Variants in TFDP2 observed in about 807,000 individuals in gnomAD.
TFDP2 encodes transcription factor Dp-2 (E2F dimerization partner 2).
TFDP2 carries 17 observed loss-of-function variants against 59.3 expected under a neutral mutation model. That is an observed-to-expected ratio of 0.29 (90% CI 0.20 to 0.43). TFDP2 has a LOEUF of 0.43. Among genes scored for constraint, TFDP2 ranks in the 20% least tolerant of loss-of-function variants. The pLI is 1.00. For synonymous variants in TFDP2, 180 were observed against 194.7 expected, an observed-to-expected ratio of 0.92 and a Z score of 0.63; for missense variants, 391 against 528.8, an observed-to-expected ratio of 0.74 and a Z score of 2.56.
At chr3:142,095,250 A>G (rs1427886012) in intron 2 of TFDP2, among the ~76,000 whole-genome samples, 1 of 151,902 alleles carries the variant, frequency 6.6e-6, no homozygotes, top group Non-Finnish European at 1.5e-5. Context: ...TTGGCCTCCC[A>G]AAGTACTGGG....
chr3:141,966,881 C>T (rs1938156019), intron 9 of TFDP2, among the ~76,000 whole-genome samples: 1 of 131,130 alleles, frequency 7.6e-6, no homozygotes, highest in Non-Finnish European at 1.6e-5. Flanking sequence ...AAAAAAAAAT[C>T]AAGTGAGCTT....
In TFDP2 at chr3:141,949,524, C is replaced by T. The variant is rs985186584; in HGVS notation, c.*2989G>A. ...AGGCAGCCTAGTAGGCACCTGGGGCCCGTAAGCGCTGCTGTGTGCCTAGGC... is the reference window on the plus strand; with the variant it reads ...AGGCAGCCTAGTAGGCACCTGGGGCTCGTAAGCGCTGCTGTGTGCCTAGGC... On this transcript the variant is annotated 3_prime_UTR_variant, in exon 13 of 13. Coordinates refer to ENST00000489671, the MANE Select transcript of TFDP2 (RefSeq NM_001178139.2). The T allele has an allele frequency of 1.5e-4, 23 of 152,426 alleles. No individual in the cohort carries two copies. Among genetic ancestry groups the T allele is most frequent in the African/African-American group, 5.5e-4 (23 of 41,456 alleles). 9.4% of individuals were successfully genotyped at this position (152,426 alleles called of 1,614,324 possible).
rs1309268850 is a variant in TFDP2, at chr3:141,968,732, CAT to C, written c.732+1339_732+1340del. Reference sequence around the variant, plus strand: ...ATCTCATATATAGATATATATAACACATATATATCTCATATATAGATATATAT... The same window carrying C: ...ATCTCATATATAGATATATATAACACATATATCTCATATATAGATATATAT... On this transcript the variant is annotated intron_variant, in intron 9 of 12. Transcript: ENST00000489671. Among the ~76,000 whole-genome samples, 65 of 96,826 alleles carry C rather than the reference CAT, an allele frequency of 6.7e-4. 8 individuals carry two copies. The highest frequency in any genetic ancestry group is 2.9e-3 in the African/African-American group (61 of 21,148). 63.5% of individuals were successfully genotyped at this position (96,826 alleles called of 152,430 possible).
intron 10 of TFDP2, among the ~76,000 whole-genome samples, 177 bp downstream of exon 10, chr3:141,963,635 G>A (rs1937573400): frequency 6.6e-6 from 1 of 152,132 alleles, no homozygotes; most frequent in Admixed American, 6.6e-5. Flanking sequence ...GAGGGTGAGG[G>A]TTGGAGCGCA....
chr3:141,988,811 C>T (rs926488740), intron 6 of TFDP2, among the ~76,000 whole-genome samples: 7 of 151,458 alleles, frequency 4.6e-5, no homozygotes, highest in Admixed American at 4.0e-4. Flanking sequence ...TACAGGCACG[C>T]GCCACCATGC....
intron 5 of TFDP2, 27 bp downstream of exon 5, chr3:141,994,993 A>G: frequency 6.6e-7 from 1 of 1,521,796 alleles, no homozygotes; most frequent in South Asian, 1.4e-5. Flanking sequence ...TTAAGGTTTT[A>G]AAAATAGTAA....
chr3:141,993,460 A>T, intron 6 of TFDP2, 78 bp downstream of exon 6: 2 of 858,108 alleles, frequency 2.3e-6, no homozygotes, highest in Non-Finnish European at 3.6e-6. Flanking sequence ...ACATCGCATT[A>T]AACCAGAGCA....
At chr3:142,077,564 A>T (rs891108728) in intron 3 of TFDP2, among the ~76,000 whole-genome samples, 4 of 152,242 alleles carry the variant, frequency 2.6e-5, no homozygotes, top group Admixed American at 2.6e-4. Flanking sequence ...ACACTTCTAG[A>T]CACACCATGG....
chr3:141,944,563 G>A lies in TFDP2; in HGVS notation c.*7950C>T, dbSNP rs911207790. 1.3e-5 allele frequency: 2 copies of A among 152,052 alleles called. No homozygotes were observed. Among genetic ancestry groups the A allele is most frequent in the African/African-American group, 4.8e-5 (2 of 41,390 alleles). 9.4% of individuals were successfully genotyped at this position (152,052 alleles called of 1,614,324 possible). On this transcript the variant is annotated 3_prime_UTR_variant, in exon 13 of 13. Transcript: ENST00000489671. ...CCTTTAATCTTATAGGATGGACAAAGATACACTTTAATGGACAAAAAACAC... is the reference window on the plus strand; with the variant it reads ...CCTTTAATCTTATAGGATGGACAAAAATACACTTTAATGGACAAAAAACAC...
intron 1 of TFDP2, among the ~76,000 whole-genome samples, chr3:142,111,581 CAAAG>C (rs2061665744): frequency 6.6e-6 from 1 of 151,644 alleles, no homozygotes. Flanking sequence ...AAACCACTGG[CAAAG>C]AGAGAGGGAT....
intron 3 of TFDP2, among the ~76,000 whole-genome samples, chr3:142,087,636 G>A (rs1437252185): frequency 6.6e-6 from 1 of 151,724 alleles, no homozygotes; most frequent in Non-Finnish European, 1.5e-5. Flanking sequence ...GAGAAGCTGG[G>A]ACTACAGGTA....
intron 6 of TFDP2, among the ~76,000 whole-genome samples, chr3:141,987,938 C>A (rs1199636910): frequency 1.7e-4 from 22 of 129,580 alleles, no homozygotes; most frequent in African/African-American, 2.5e-4. Context: ...GACCCTGCCT[C>A]AAAAAAAAAA....
At chr3:142,098,582 T>A (rs11708011) in intron 2 of TFDP2, among the ~76,000 whole-genome samples, 12,949 of 152,028 alleles carry the variant, frequency 0.085, 695 homozygotes, top group Middle Eastern at 0.14. Context: ...CAAGGTCAAC[T>A]CAAACTTCTC....
intron 1 of TFDP2, among the ~76,000 whole-genome samples, chr3:142,107,102 A>G (rs573123203): frequency 6.6e-6 from 1 of 152,358 alleles, no homozygotes; most frequent in Non-Finnish European, 1.5e-5. Context: ...CAAGAAACAA[A>G]TATCAGCCAT....
chr3:141,976,219 T>C (rs557713576), intron 7 of TFDP2, among the ~76,000 whole-genome samples: 2 of 152,278 alleles, frequency 1.3e-5, no homozygotes, highest in South Asian at 4.1e-4. Context: ...TATACTAATA[T>C]ATCTAATCTG....
In TFDP2 at chr3:142,145,002, C is replaced by T. The variant is rs765380050; in HGVS notation, c.-93+4181G>A. 1.2e-4 allele frequency among the ~76,000 whole-genome samples: 18 copies of T among 152,118 alleles called. 1 individual carries two copies. Among genetic ancestry groups the T allele is most frequent in the Non-Finnish European group, 2.5e-4 (17 of 68,026 alleles). ...TGGTGGCAGACTACGGTAATATTAA[C>T]AATAGGAGGAATGGAGAGAAATAGA... On this transcript the variant is annotated intron_variant, in intron 1 of 12. Transcript: ENST00000489671.
chr3:142,077,526 G>A (rs1403455365), intron 3 of TFDP2, among the ~76,000 whole-genome samples: 8 of 152,026 alleles, frequency 5.3e-5, no homozygotes, highest in Non-Finnish European at 1.2e-4. Context: ...AGAATCATGA[G>A]CCCATTCTAA....
At chr3:141,977,999 C>T (rs1446328843) in intron 7 of TFDP2, among the ~76,000 whole-genome samples, 3 of 150,524 alleles carry the variant, frequency 2.0e-5, no homozygotes, top group Non-Finnish European at 3.0e-5. Flanking sequence ...CGTGAGCCAC[C>T]GCGCCTGGCC....
chr3:142,106,191 T>C (rs777608315), intron 1 of TFDP2, among the ~76,000 whole-genome samples: 6 of 152,094 alleles, frequency 3.9e-5, no homozygotes, highest in Non-Finnish European at 8.8e-5. Context: ...CAGCAAATAC[T>C]GAACAGTCAC....
Sources: gnomAD v4.1 joint callset for allele counts (sites outside exome capture counted in the v4.1 genomes callset) on GRCh38, gnomAD v4.1.1 for gene constraint, MANE v1.5 for transcripts, NCBI Gene and HGNC (gene_info 2026-07-23, HGNC 2026-07-21) for gene names.